EPC1: variants seen among roughly 807,000 people sequenced by gnomAD.
EPC1 encodes the protein enhancer of polycomb homolog 1.
In EPC1, 12 loss-of-function variants were observed where a neutral mutation model predicts 98.4. That is an observed-to-expected ratio of 0.12 (90% CI 0.08 to 0.20). EPC1 has a LOEUF of 0.20. Ranked by LOEUF, EPC1 falls within the 10% of genes least tolerant of loss-of-function variation. EPC1 has a pLI of 1.00. For synonymous variants in EPC1, 357 were observed against 363.9 expected, an observed-to-expected ratio of 0.98 and a Z score of 0.21; for missense variants, 729 against 990.5, an observed-to-expected ratio of 0.74 and a Z score of 3.54.
intron 1 of EPC1, among the ~76,000 whole-genome samples, chr10:32,336,200 C>G (rs1292866379): frequency 6.6e-6 from 1 of 151,858 alleles, no homozygotes; most frequent in African/African-American, 2.4e-5. Context: ...TCTGGAGTAG[C>G]TGGGATTACA....
chr10:32,346,119 C>T (rs907284018), intron 1 of EPC1, among the ~76,000 whole-genome samples: 5 of 152,170 alleles, frequency 3.3e-5, no homozygotes, highest in Admixed American at 2.6e-4. Context: ...GTAAGTCGTC[C>T]GGGCAAACAC....
intron 1 of EPC1, among the ~76,000 whole-genome samples, chr10:32,311,258 A>C (rs1252111840): frequency 6.6e-6 from 1 of 151,908 alleles, no homozygotes; most frequent in African/African-American, 2.4e-5. Context: ...ACTTGCAGTG[A>C]GCCGAGATTG....
chr10:32,351,689 C>T (rs1839114521), upstream of EPC1, among the ~76,000 whole-genome samples: 1 of 151,620 alleles, frequency 6.6e-6, no homozygotes, highest in Non-Finnish European at 1.5e-5. Flanking sequence ...CGTGTCTTTC[C>T]TGCCTCCAGG....
At position 32,339,032 on chromosome 10, in the gene EPC1, G is replaced by C. The variant is rs78552482; in HGVS notation, c.153+7731C>G. ...CTCATGACAATAAAAGTTATTTTCT[G>C]ACTACTGCATCCAATTACATCTTTA... On this transcript the variant is annotated intron_variant, in intron 1 of 13. Coordinates refer to ENST00000319778, the MANE Select transcript of EPC1 (RefSeq NM_001272004.3). 4.7e-3 allele frequency among the ~76,000 whole-genome samples: 712 copies of C among 151,998 alleles called. 6 individuals carry two copies. Among genetic ancestry groups the C allele is most frequent in the Middle Eastern group, 0.017 (5 of 294 alleles).
intron 1 of EPC1, among the ~76,000 whole-genome samples, chr10:32,353,458 T>G (rs112830981): frequency 1.2e-3 from 182 of 152,314 alleles, no homozygotes; most frequent in African/African-American, 3.7e-3. Context: ...TGGACAGTGA[T>G]GCAAAGAGTT....
At chr10:32,363,432 G>T (rs952287306) in intron 1 of EPC1, among the ~76,000 whole-genome samples, 3 of 142,952 alleles carry the variant, frequency 2.1e-5, no homozygotes, top group African/African-American at 7.4e-5. Flanking sequence ...AGGGTGGAAA[G>T]TCAGTTGCCC....
intron 1 of EPC1, among the ~76,000 whole-genome samples, chr10:32,363,689 T>C (rs1267682864): frequency 6.6e-6 from 1 of 152,248 alleles, no homozygotes; most frequent in Non-Finnish European, 1.5e-5. Flanking sequence ...TACGCTTCTT[T>C]ACACCAGGCT....
intron 1 of EPC1, among the ~76,000 whole-genome samples, chr10:32,361,278 G>A (rs1227695954): frequency 6.6e-6 from 1 of 152,152 alleles, no homozygotes; most frequent in Non-Finnish European, 1.5e-5. Context: ...TAACTTCTAT[G>A]AGCGTCAGCT....
intron 1 of EPC1, among the ~76,000 whole-genome samples, chr10:32,376,268 T>C (rs1455246358): frequency 1.3e-5 from 2 of 152,036 alleles, no homozygotes; most frequent in African/African-American, 4.8e-5. Flanking sequence ...CAGTTTGTTT[T>C]TAAAAGGGGG....
At chr10:32,300,976 G>C (rs1010958739) in intron 2 of EPC1, among the ~76,000 whole-genome samples, 2 of 151,986 alleles carry the variant, frequency 1.3e-5, no homozygotes, top group African/African-American at 4.8e-5. Context: ...TTAGAGAATA[G>C]GTGCTATGTT....
chr10:32,272,634 G>A (rs1835898608), intron 11 of EPC1, among the ~76,000 whole-genome samples: 1 of 152,112 alleles, frequency 6.6e-6, no homozygotes. Flanking sequence ...CTTTAGAAAT[G>A]GAAGTAACAA....
chr10:32,272,192 C>T, intron 11 of EPC1, 25 bp from the exon 12 acceptor site: 1 of 1,585,900 alleles, frequency 6.3e-7, no homozygotes, highest in Non-Finnish European at 8.6e-7. Flanking sequence ...CAAAAGAAAT[C>T]TAATCAGTAT....
intron 1 of EPC1, among the ~76,000 whole-genome samples, chr10:32,374,913 T>G (rs1564571298): frequency 6.6e-6 from 1 of 152,128 alleles, no homozygotes; most frequent in Non-Finnish European, 1.5e-5. Flanking sequence ...AACAAATCAA[T>G]TATAAAATCT....
intron 1 of EPC1, among the ~76,000 whole-genome samples, chr10:32,308,563 T>C (rs2505417): frequency 0.85 from 129,815 of 152,174 alleles, 55,475 homozygotes; most frequent in East Asian, 0.96. Context: ...TAAGAAGAGA[T>C]AAAGATCTAC....
At position 32,290,141 on chromosome 10, in the gene EPC1, A is replaced by G. The variant is rs369237835; in HGVS notation, c.975+1022T>C. On this transcript the variant is annotated intron_variant, in intron 6 of 13. Coordinates refer to ENST00000319778, the MANE Select transcript of EPC1 (RefSeq NM_001272004.3). ...TCTAAATCATTATATTACTATTAAGATATCAAAATTCCCTCTTATACACTA... is the reference window on the plus strand; with the variant it reads ...TCTAAATCATTATATTACTATTAAGGTATCAAAATTCCCTCTTATACACTA... Among the ~76,000 whole-genome samples, 61 of 152,064 alleles carry G rather than the reference A, an allele frequency of 4.0e-4. No individual in the cohort carries two copies. The East Asian group carries it at 0.01, about 26-fold the overall frequency.
At chr10:32,326,864 T>A (rs978893548) in intron 1 of EPC1, among the ~76,000 whole-genome samples, 5 of 151,846 alleles carry the variant, frequency 3.3e-5, no homozygotes, top group African/African-American at 1.2e-4. Flanking sequence ...CTCACTCAAG[T>A]GAGAACGTCT....
intron 6 of EPC1, among the ~76,000 whole-genome samples, chr10:32,288,603 T>C (rs958153279): frequency 1.2e-4 from 18 of 152,104 alleles, no homozygotes; most frequent in Non-Finnish European, 2.4e-4. Flanking sequence ...TGCCTGCCTC[T>C]ACCTCCCAAA....
At chr10:32,303,417 AAT>A (rs1835689651) in intron 2 of EPC1, among the ~76,000 whole-genome samples, 2 of 152,220 alleles carry the variant, frequency 1.3e-5, no homozygotes, top group Non-Finnish European at 2.9e-5. Context: ...AATGTTCTTC[AAT>A]GAGTGAATGA....
intron 1 of EPC1, among the ~76,000 whole-genome samples, chr10:32,312,431 C>A (rs1236852713): frequency 6.6e-6 from 1 of 152,214 alleles, no homozygotes; most frequent in East Asian, 1.9e-4. Context: ...AAAGACACAA[C>A]TGAGCCTATC....
Sources: allele counts gnomAD v4.1 joint callset (sites outside exome capture counted in the v4.1 genomes callset), GRCh38; gene constraint gnomAD v4.1.1; transcripts MANE v1.5; gene names NCBI Gene and HGNC (gene_info 2026-07-23, HGNC 2026-07-21).